CHCHD6: variants seen among roughly 807,000 people sequenced by gnomAD.
The protein encoded by CHCHD6 is MICOS complex subunit MIC25.
CHCHD6 carries 28 observed loss-of-function variants against 32.3 expected under a neutral mutation model. That is an observed-to-expected ratio of 0.87 (90% confidence interval 0.64 to 1.19). The LOEUF is 1.19. CHCHD6 is among the 50% of genes most tolerant of loss of function. CHCHD6 has a pLI of 0.00. For synonymous variants in CHCHD6, 122 were observed against 117.5 expected, an observed-to-expected ratio of 1.04 and a Z score of -0.25; for missense variants, 333 against 307.0, an observed-to-expected ratio of 1.08 and a Z score of -0.63.
chr3:126,730,144 G>A (rs530892786), intron 2 of CHCHD6, among the ~76,000 whole-genome samples: 7 of 152,136 alleles, frequency 4.6e-5, no homozygotes, highest in Non-Finnish European at 1.0e-4. Context: ...GATTTAAAGA[G>A]CCCCCACCCC....
chr3:126,896,976 C>G (rs1292756911), intron 5 of CHCHD6, among the ~76,000 whole-genome samples: 1 of 152,192 alleles, frequency 6.6e-6, no homozygotes, highest in African/African-American at 2.4e-5. Flanking sequence ...CTGCTGTAGT[C>G]CAGGTTACCA....
At chr3:126,711,708 T>G (rs1422670401) in intron 1 of CHCHD6, among the ~76,000 whole-genome samples, 1 of 152,230 alleles carries the variant, frequency 6.6e-6, no homozygotes. Context: ...GGGGTTGCGT[T>G]ATAGATCGTC....
At position 126,734,966 on chromosome 3, in the gene CHCHD6, AC is replaced by A. The variant is rs996468672; in HGVS notation, c.411+1748del. The stretch of plus-strand genomic sequence containing the variant: ...ATGAGATCTGACTTGTGCTTTTAGA[AC>A]CCCATGGCATCCTGGTGAGGAATCG... On this transcript the variant is annotated intron_variant, in intron 4 of 7. Transcript: ENST00000290913. Among the ~76,000 whole-genome samples the A allele has an allele frequency of 1.2e-4, 19 of 152,114 alleles. No homozygotes were observed. The East Asian group carries it at 3.3e-3, about 26-fold the overall frequency.
At chr3:126,935,302 C>A in intron 6 of CHCHD6, 1 of 279,876 alleles carries the variant, frequency 3.6e-6, no homozygotes, top group Non-Finnish European at 5.4e-6. Context: ...TTAAGGCTGG[C>A]CTCATCTGTA....
intron 4 of CHCHD6, among the ~76,000 whole-genome samples, chr3:126,745,576 C>T (rs1005430410): frequency 1.3e-5 from 2 of 152,066 alleles, no homozygotes; most frequent in African/African-American, 4.8e-5. Context: ...TGATTTTCCA[C>T]CATGGCAAAA....
intron 1 of CHCHD6, among the ~76,000 whole-genome samples, chr3:126,711,270 T>G (rs1023407378): frequency 6.6e-6 from 1 of 152,234 alleles, no homozygotes. Flanking sequence ...GGCGATCTTG[T>G]GGCAGCTGTG....
intron 6 of CHCHD6, 41 bp from the exon 7 acceptor site, chr3:126,957,375 G>A: frequency 6.3e-7 from 1 of 1,597,872 alleles, no homozygotes; most frequent in South Asian, 1.1e-5. Context: ...CCTGCCTGCT[G>A]GCACCTGAGC....
intron 1 of CHCHD6, among the ~76,000 whole-genome samples, chr3:126,717,785 G>T (rs3086241): frequency 5.9e-5 from 9 of 152,032 alleles, no homozygotes; most frequent in East Asian, 1.9e-4. Flanking sequence ...GTGTGTGTGT[G>T]TGGCTTAGAT....
intron 6 of CHCHD6, among the ~76,000 whole-genome samples, chr3:126,930,361 G>A (rs963489610): frequency 7.2e-5 from 11 of 152,202 alleles, no homozygotes; most frequent in African/African-American, 2.7e-4. Context: ...CCATTCTCGA[G>A]AATTCTGTAA....
At chr3:126,914,511 C>A (rs1316893985) in intron 5 of CHCHD6, among the ~76,000 whole-genome samples, 169 bp from the exon 6 acceptor site, 2 of 152,350 alleles carry the variant, frequency 1.3e-5, no homozygotes, top group East Asian at 3.9e-4. Context: ...GATTCTGTAG[C>A]AGCAGCCATG....
chr3:126,739,514 G>A (rs1424273735), intron 4 of CHCHD6, among the ~76,000 whole-genome samples: 1 of 152,180 alleles, frequency 6.6e-6, no homozygotes, highest in South Asian at 2.1e-4. Context: ...GAGTACCCAG[G>A]TGTCTCAAGA....
chr3:126,908,841 G>T (rs1372756481), intron 5 of CHCHD6, among the ~76,000 whole-genome samples: 3 of 152,220 alleles, frequency 2.0e-5, no homozygotes, highest in Non-Finnish European at 1.5e-5. Context: ...CAGAAAGGAG[G>T]TTCTGTCATT....
chr3:126,802,803 T>G (rs1939150473), intron 4 of CHCHD6, among the ~76,000 whole-genome samples: 1 of 151,984 alleles, frequency 6.6e-6, no homozygotes, highest in Admixed American at 6.6e-5. Context: ...AATGTTAAGG[T>G]CAGCCAGAGA....
chr3:126,884,000 C>T (rs2077646591), intron 5 of CHCHD6, among the ~76,000 whole-genome samples: 1 of 151,586 alleles, frequency 6.6e-6, no homozygotes, highest in South Asian at 2.1e-4. Flanking sequence ...TTCTGTAGTT[C>T]AAGTCTTAGC....
rs192947478 is a variant in CHCHD6 at position 126,950,978 on chromosome 3, G to T, written c.567-6438G>T. On this transcript the variant is annotated intron_variant, in intron 6 of 7. Coordinates refer to ENST00000290913, the MANE Select transcript of CHCHD6 (RefSeq NM_032343.3). ...CATATGTCATAGATGGGAAGCAAAG[G>T]TCTCACGGAAGCTTGTCACAGATGA... is the stretch of plus-strand genomic sequence containing the variant. 1.9e-3 allele frequency among the ~76,000 whole-genome samples: 288 copies of T among 152,318 alleles called. 1 individual carries two copies. Among genetic ancestry groups the T allele is most frequent in the Non-Finnish European group, 3.4e-3 (229 of 68,032 alleles).
chr3:126,809,232 C>T (rs1371097220), intron 4 of CHCHD6, among the ~76,000 whole-genome samples: 1 of 152,180 alleles, frequency 6.6e-6, no homozygotes, highest in East Asian at 1.9e-4. Flanking sequence ...CCTTGGCCTC[C>T]CAAAGTGCTA....
At chr3:126,731,903 C>G (rs544492238) in intron 3 of CHCHD6, among the ~76,000 whole-genome samples, 31 of 152,034 alleles carry the variant, frequency 2.0e-4, no homozygotes, top group Admixed American at 7.9e-4. Flanking sequence ...TAGTGAGACC[C>G]TGTCTCTACA....
In CHCHD6 at chr3:126,890,094, G is replaced by A. The variant is rs79314734; in HGVS notation, c.496-24586G>A. Reference sequence around the variant, plus strand: ...GGGACTTTGAGGTGACCCCCAAGGTGCTCCAGCTCACTGTCGGGGCCTTCC... The same window carrying A: ...GGGACTTTGAGGTGACCCCCAAGGTACTCCAGCTCACTGTCGGGGCCTTCC... On this transcript the variant is annotated intron_variant, in intron 5 of 7. Transcript: ENST00000290913. 7.9e-5 allele frequency among the ~76,000 whole-genome samples: 12 copies of A among 152,362 alleles called. No homozygotes were observed. In the East Asian group the frequency reaches 2.3e-3, roughly 29 times the overall value.
chr3:126,931,864 G>GTCTCA lies in CHCHD6; in HGVS notation c.566+17125_566+17129dup, dbSNP rs1266166162. Among the ~76,000 whole-genome samples the GTCTCA allele has an allele frequency of 3.3e-5, 5 of 152,292 alleles. No individual in the cohort carries two copies. In the East Asian group the frequency reaches 7.7e-4, roughly 23 times the overall value. On this transcript the variant is annotated intron_variant, in intron 6 of 7. Coordinates refer to ENST00000290913, the MANE Select transcript of CHCHD6 (RefSeq NM_032343.3). ...CAAACTGTTCACAACAGAAAGGCTC[G>GTCTCA]TCTCATCTCATCTCACTTAAACCCG...
Sources: gnomAD v4.1 joint callset for allele counts (sites outside exome capture counted in the v4.1 genomes callset) on GRCh38, gnomAD v4.1.1 for gene constraint, MANE v1.5 for transcripts, NCBI Gene and HGNC (gene_info 2026-07-23, HGNC 2026-07-21) for gene names.